Variants in KCNJ6 observed in about 807,000 individuals in gnomAD.
KCNJ6 encodes the protein potassium inwardly rectifying channel subfamily J member 6.
In KCNJ6, 9 loss-of-function variants were observed where a neutral mutation model predicts 34.2. The ratio of observed to expected loss-of-function variants is 0.26; its 90% CI spans 0.16 to 0.46. The LOEUF (loss-of-function observed/expected upper bound fraction) is 0.46. Ranked by LOEUF, KCNJ6 falls within the 20% of genes least tolerant of loss-of-function variation. KCNJ6 has a pLI of 1.00. For missense variants in KCNJ6, 236 were observed against 531.3 expected, an observed-to-expected ratio of 0.44 and a Z score of 5.46; for synonymous variants, 196 against 207.1, an observed-to-expected ratio of 0.95 and a Z score of 0.46.
chr21:37,796,766 G>GCTTTCTTT lies in KCNJ6; in HGVS notation c.25+43884_25+43891dup, dbSNP rs1434052729. Among the ~76,000 whole-genome samples the GCTTTCTTT allele has an allele frequency of 9.6e-5, 10 of 104,052 alleles. No individual in the cohort carries two copies. The East Asian group carries it at 9.8e-4, about 10-fold the overall frequency. 68.3% of individuals were successfully genotyped at this position (104,052 alleles called of 152,430 possible). A position where few individuals can be genotyped will look rare whatever the true frequency, so the allele number is the denominator to read the frequency against. On this transcript the variant is annotated intron_variant, in intron 2 of 3. Transcript: ENST00000609713. Reference sequence around the variant, plus strand: ...TGGGGTCTCCTTTGAGTGTTTGTGGGCTTTCTTTCTTTCTTTTTTTTTTTT... The same window carrying GCTTTCTTT: ...TGGGGTCTCCTTTGAGTGTTTGTGGGCTTTCTTTCTTTCTTTCTTTCTTTTTTTTTTTT...
chr21:37,900,187 T>C (rs1393536751), intron 1 of KCNJ6, among the ~76,000 whole-genome samples: 1 of 152,228 alleles, frequency 6.6e-6, no homozygotes. Flanking sequence ...TATAATGCTT[T>C]ATACTAAAAA....
At chr21:37,858,392 CAAAAAAAA>C (rs60814205) in intron 1 of KCNJ6, among the ~76,000 whole-genome samples, 121 of 54,524 alleles carry the variant, frequency 2.2e-3, no homozygotes, top group Non-Finnish European at 2.8e-3. Flanking sequence ...GACTCCGTCT[CAAAAAAAA>C]AAAAAAAAAA....
intron 3 of KCNJ6, among the ~76,000 whole-genome samples, chr21:37,637,276 C>T (rs1042002092): frequency 6.6e-6 from 1 of 152,156 alleles, no homozygotes; most frequent in Non-Finnish European, 1.5e-5. Flanking sequence ...AACGATGAGC[C>T]CTGCCCTAGG....
At chr21:37,725,779 G>T (rs2054851306) in intron 2 of KCNJ6, among the ~76,000 whole-genome samples, 1 of 152,192 alleles carries the variant, frequency 6.6e-6, no homozygotes, top group Admixed American at 6.5e-5. Flanking sequence ...CAGAGCATTG[G>T]TTAAACATAC....
chr21:37,803,312 C>T (rs192753635), intron 2 of KCNJ6, among the ~76,000 whole-genome samples: 3 of 152,124 alleles, frequency 2.0e-5, no homozygotes, highest in Non-Finnish European at 2.9e-5. Flanking sequence ...ACAGTGCTGG[C>T]CAAGAATCTA....
chr21:37,801,252 T>A (rs2055267982), intron 2 of KCNJ6, among the ~76,000 whole-genome samples: 1 of 152,164 alleles, frequency 6.6e-6, no homozygotes, highest in Admixed American at 6.5e-5. Flanking sequence ...TTGTCTGGGT[T>A]TTGATACCAG....
intron 1 of KCNJ6, among the ~76,000 whole-genome samples, chr21:37,895,259 CT>C (rs2055782275): frequency 6.6e-6 from 1 of 152,162 alleles, no homozygotes; most frequent in South Asian, 2.1e-4. Flanking sequence ...CCTTAAAGAC[CT>C]TAATGATCAT....
Position 37,714,104 on chromosome 21 carries a change from T to C in KCNJ6, c.946+107A>G. On this transcript the variant is annotated intron_variant, in intron 3 of 3. Coordinates refer to ENST00000609713, the MANE Select transcript of KCNJ6 (RefSeq NM_002240.5). This position sits in a 1 kb window ranked among gnomAD's most constrained non-coding sequence, Gnocchi z 5.9. The stretch of plus-strand genomic sequence containing the variant: ...TCATGAAGCAAGGGGATGTTGTCAA[T>C]ATTGAGTGAGGTTCAGTATTCTAGA... The C allele has an allele frequency of 1.2e-6, 1 of 805,650 alleles. No homozygotes were observed. The highest frequency in any genetic ancestry group is 2.0e-6 in the Non-Finnish European group (1 of 488,328). 49.9% of individuals were successfully genotyped at this position (805,650 alleles called of 1,614,324 possible). A position where few individuals can be genotyped will look rare whatever the true frequency, so the allele number is the denominator to read the frequency against.
chr21:37,872,665 G>A (rs1415683409), intron 1 of KCNJ6, among the ~76,000 whole-genome samples: 1 of 152,160 alleles, frequency 6.6e-6, no homozygotes, highest in Non-Finnish European at 1.5e-5. Context: ...AGTCTTCTGT[G>A]AGTTTAGTTC....
intron 1 of KCNJ6, among the ~76,000 whole-genome samples, chr21:37,850,230 TA>T (rs1430817730): frequency 6.6e-6 from 1 of 152,060 alleles, no homozygotes; most frequent in African/African-American, 2.4e-5. Context: ...GGACTGATGA[TA>T]GGGGCAGGAT....
intron 2 of KCNJ6, among the ~76,000 whole-genome samples, chr21:37,796,206 C>G (rs1264559892): frequency 6.6e-6 from 1 of 152,102 alleles, no homozygotes; most frequent in African/African-American, 2.4e-5. Flanking sequence ...GAGGACGATG[C>G]CAAGATGAAT....
At chr21:37,703,091 A>G (rs1409794998) in intron 3 of KCNJ6, among the ~76,000 whole-genome samples, 1 of 152,196 alleles carries the variant, frequency 6.6e-6, no homozygotes, top group Admixed American at 6.5e-5. Flanking sequence ...AGAAAGGGAC[A>G]TGGCACCAAA....
chr21:37,891,011 G>A (rs1437563633), intron 1 of KCNJ6, among the ~76,000 whole-genome samples: 1 of 152,176 alleles, frequency 6.6e-6, no homozygotes, highest in Non-Finnish European at 1.5e-5. Context: ...TCTCCCTAAA[G>A]TTAAACACAA....
At chr21:37,645,812 C>G in intron 3 of KCNJ6, among the ~76,000 whole-genome samples, 1 of 152,114 alleles carries the variant, frequency 6.6e-6, no homozygotes, top group Non-Finnish European at 1.5e-5. Context: ...CTTCATAAAT[C>G]TGATTCATTT....
chr21:37,811,468 G>C (rs1442038115), intron 2 of KCNJ6, among the ~76,000 whole-genome samples: 3 of 152,246 alleles, frequency 2.0e-5, no homozygotes, highest in Admixed American at 2.0e-4. Context: ...ACTTGTGGGA[G>C]CTGACATTAA....
intron 2 of KCNJ6, among the ~76,000 whole-genome samples, chr21:37,834,402 C>T (rs182490409): frequency 6.6e-6 from 1 of 152,330 alleles, no homozygotes; most frequent in East Asian, 1.9e-4. Flanking sequence ...TGCAGGAGCA[C>T]ACTGGGGTCT....
At chr21:37,752,622 T>C (rs529917496) in intron 2 of KCNJ6, among the ~76,000 whole-genome samples, 57 of 152,194 alleles carry the variant, frequency 3.7e-4, no homozygotes, top group African/African-American at 1.3e-3. Flanking sequence ...AGGGTCACCA[T>C]AATGTGACCG....
Position 37,903,602 on chromosome 21 carries a change from G to A in KCNJ6, c.-28+12282C>T, listed in dbSNP as rs530008908. On this transcript the variant is annotated intron_variant, in intron 1 of 3. Coordinates refer to ENST00000609713, the MANE Select transcript of KCNJ6 (RefSeq NM_002240.5). ...GCACAGATGACTCAATCAGATTACC[G>A]GTGTCTGAAATGACATGGGAAGAAG... Among the ~76,000 whole-genome samples, 386 of 152,178 alleles carry A rather than the reference G, an allele frequency of 2.5e-3. 22 individuals are homozygous for A. The South Asian group carries it at 0.077, about 30-fold the overall frequency.
At chr21:37,790,850 C>T (rs769432881) in intron 2 of KCNJ6, among the ~76,000 whole-genome samples, 2 of 152,162 alleles carry the variant, frequency 1.3e-5, no homozygotes, top group African/African-American at 4.8e-5. Flanking sequence ...GCCCACCGTC[C>T]CAAAGGATCA....
Sources: gnomAD v4.1 joint callset for allele counts (sites outside exome capture counted in the v4.1 genomes callset) on GRCh38, gnomAD v4.1.1 for gene constraint, Gnocchi (gnomAD v3.1) non-coding constraint, MANE v1.5 for transcripts, NCBI Gene and HGNC (gene_info 2026-07-23, HGNC 2026-07-21) for gene names.